Variants in MMP26 observed in about 807,000 individuals in gnomAD.
The protein encoded by MMP26 is matrix metallopeptidase 26.
In MMP26, 33 loss-of-function variants were observed where a neutral mutation model predicts 31.0. The observed-to-expected ratio is 1.06, with a 90% CI of 0.81 to 1.42. The LOEUF (loss-of-function observed/expected upper bound fraction) is 1.42. Ranked by LOEUF, MMP26 falls within the 40% of genes most tolerant of loss-of-function variation. The pLI, the probability that MMP26 is intolerant of heterozygous loss-of-function variation, is 0.00. For missense variants in MMP26, 347 were observed against 316.1 expected (o/e 1.10, Z -0.74); for synonymous variants, 122 against 114.9 (o/e 1.06, Z -0.40).
intron 2 of MMP26, among the ~76,000 whole-genome samples, chr11:4,812,183 C>T (rs1849359021): frequency 6.6e-6 from 1 of 152,030 alleles, no homozygotes; most frequent in South Asian, 2.1e-4. Flanking sequence ...CATGAGAATT[C>T]TGAGACAATT....
chr11:4,919,560 C>T (rs1851151016), intron 2 of MMP26, among the ~76,000 whole-genome samples: 2 of 152,088 alleles, frequency 1.3e-5, no homozygotes, highest in South Asian at 4.1e-4. Flanking sequence ...CCAGAGGATG[C>T]CATGTACCAG....
chr11:4,812,724 A>G (rs79406975), intron 2 of MMP26, among the ~76,000 whole-genome samples: 3,068 of 152,220 alleles, frequency 0.02, 66 homozygotes, highest in African/African-American at 0.045. Flanking sequence ...TTCAGGGTGG[A>G]TGGGGGGATG....
chr11:4,939,150 T>A (rs545753317), intron 2 of MMP26, among the ~76,000 whole-genome samples: 2 of 152,294 alleles, frequency 1.3e-5, no homozygotes, highest in South Asian at 4.1e-4. Context: ...TTGATGTCTA[T>A]CTTCTCCCTT....
intron 1 of MMP26, among the ~76,000 whole-genome samples, chr11:4,760,382 C>T (rs1020369521): frequency 6.6e-6 from 1 of 152,124 alleles, no homozygotes; most frequent in African/African-American, 2.4e-5. Flanking sequence ...AAGCTAACCA[C>T]CTACATGGAG....
chr11:4,951,045 C>A lies in MMP26; in HGVS notation c.-144-37023C>A, dbSNP rs1184680163. On this transcript the variant is annotated intron_variant, in intron 2 of 7. Transcript: ENST00000380390. ...TTTCTAAAAAAGTTAGTTCCTGTTT[C>A]AAGCAAACACATTCTAAGAATGTCT... Among the ~76,000 whole-genome samples the A allele has an allele frequency of 1.6e-5, 2 of 123,910 alleles. 1 individual carries two copies. The highest frequency in any genetic ancestry group is 3.7e-5 in the Non-Finnish European group (2 of 54,576). 81.3% of individuals were successfully genotyped at this position (123,910 alleles called of 152,430 possible). A position where few individuals can be genotyped will look rare whatever the true frequency, so the allele number is the denominator to read the frequency against.
chr11:4,937,230 C>T (rs894327341), intron 2 of MMP26: 4 of 152,158 alleles, frequency 2.6e-5, no homozygotes, highest in African/African-American at 9.7e-5. Flanking sequence ...GTCATTCATT[C>T]TGTGAACTCC....
intron 2 of MMP26, among the ~76,000 whole-genome samples, chr11:4,971,467 C>T (rs920935796): frequency 6.6e-6 from 1 of 152,014 alleles, no homozygotes; most frequent in African/African-American, 2.4e-5. Context: ...GTAAGAAAAA[C>T]TTTATTAACA....
At chr11:4,722,926 T>C (rs34438514) in intron 1 of MMP26, 204,635 of 781,562 alleles carry the variant, frequency 0.26, 29,059 homozygotes, top group Admixed American at 0.42. Context: ...TTAGACCACC[T>C]GCATAGACAC....
At position 4,955,452 on chromosome 11, in the gene MMP26, G is replaced by A. The variant is rs1425087614; in HGVS notation, c.-144-32616G>A. ...GAAGAAGTTTCAGGGGCATTGAACA[G>A]GAAGATGCTTAACACAGTGGGCAGA... On this transcript the variant is annotated intron_variant, in intron 2 of 7. Coordinates refer to ENST00000380390, the MANE Select transcript of MMP26 (RefSeq NM_021801.5). 2.5e-6 allele frequency: 3 copies of A among 1,192,060 alleles called. No individual in the cohort carries two copies. In the African/African-American group the frequency reaches 5.0e-5, roughly 20 times the overall value. 73.8% of individuals were successfully genotyped at this position (1,192,060 alleles called of 1,614,324 possible). A position where few individuals can be genotyped will look rare whatever the true frequency, so the allele number is the denominator to read the frequency against.
intron 2 of MMP26, among the ~76,000 whole-genome samples, chr11:4,980,298 T>C (rs1270787031): frequency 1.3e-5 from 2 of 152,090 alleles, no homozygotes; most frequent in African/African-American, 4.8e-5. Context: ...AGTTTATTTA[T>C]GGAAAAAGTG....
intron 1 of MMP26, among the ~76,000 whole-genome samples, chr11:4,766,418 G>A (rs764319576): frequency 6.6e-6 from 1 of 152,084 alleles, no homozygotes; most frequent in South Asian, 2.1e-4. Context: ...GCTTCTACTC[G>A]GTGTTTCATG....
intron 2 of MMP26, among the ~76,000 whole-genome samples, chr11:4,806,309 G>A (rs2117209): frequency 0.058 from 8,833 of 152,114 alleles, 460 homozygotes; most frequent in African/African-American, 0.15. Context: ...TCTGTCTAAT[G>A]TTGACAGTGG....
At chr11:4,891,131 A>G (rs1277191498) in intron 2 of MMP26, among the ~76,000 whole-genome samples, 3 of 152,020 alleles carry the variant, frequency 2.0e-5, no homozygotes, top group Non-Finnish European at 4.4e-5. Flanking sequence ...ACATTTGTTC[A>G]GGCAAGGTGT....
chr11:4,867,254 C>A (rs141830634), intron 2 of MMP26, among the ~76,000 whole-genome samples: 1,837 of 151,894 alleles, frequency 0.012, 32 homozygotes, highest in African/African-American at 0.04. Context: ...ACAAACAACC[C>A]CATTAAAAAG....
chr11:4,832,539 C>G (rs1480611644), intron 2 of MMP26: 1 of 152,382 alleles, frequency 6.6e-6, no homozygotes, highest in African/African-American at 2.4e-5. Flanking sequence ...AGATATAGCT[C>G]TATTCTCACC....
At chr11:4,958,430 T>C (rs1024340764) in intron 2 of MMP26, among the ~76,000 whole-genome samples, 1 of 152,228 alleles carries the variant, frequency 6.6e-6, no homozygotes, top group Non-Finnish European at 1.5e-5. Context: ...GTCTTATTTA[T>C]TTTCTATAGA....
At chr11:4,961,673 T>C (rs931759421) in intron 2 of MMP26, among the ~76,000 whole-genome samples, 4 of 152,238 alleles carry the variant, frequency 2.6e-5, no homozygotes, top group African/African-American at 4.8e-5. Context: ...ACTAATCTAT[T>C]CTTCAGAATT....
At chr11:4,736,223 A>G (rs1253200692) in intron 1 of MMP26, 2 of 152,130 alleles carry the variant, frequency 1.3e-5, no homozygotes, top group Non-Finnish European at 2.9e-5. Flanking sequence ...TTTTCACACT[A>G]TAAATAATAG....
chr11:4,713,780 G>C (rs1226835032), intron 1 of MMP26, among the ~76,000 whole-genome samples: 3 of 152,120 alleles, frequency 2.0e-5, no homozygotes, highest in Non-Finnish European at 4.4e-5. Flanking sequence ...GTGGTGTGAA[G>C]ATGAGGGGCG....
Sources: gnomAD v4.1 joint callset for allele counts (sites outside exome capture counted in the v4.1 genomes callset) on GRCh38, gnomAD v4.1.1 for gene constraint, MANE v1.5 for transcripts, NCBI Gene and HGNC (gene_info 2026-07-23, HGNC 2026-07-21) for gene names.